Variants in SFXN1 observed in about 807,000 individuals in gnomAD.
The protein encoded by SFXN1 is sideroflexin 1.
Under a neutral mutation model 39.5 loss-of-function variants are expected in SFXN1, and 32 were observed. The ratio of observed to expected loss-of-function variants is 0.81; its 90% CI spans 0.61 to 1.09. The LOEUF (loss-of-function observed/expected upper bound fraction) is 1.09. Among genes scored for constraint, SFXN1 ranks in the 50% least tolerant of loss-of-function variants. The probability of loss-of-function intolerance (pLI) is 0.00; values close to 1 mark genes in which losing one functional copy is unlikely to be tolerated. For missense variants in SFXN1, 402 were observed against 407.1 expected (o/e 0.99, Z 0.11); for synonymous variants, 136 against 146.5 (o/e 0.93, Z 0.52).
intron 7 of SFXN1, among the ~76,000 whole-genome samples, chr5:175,514,585 A>G (rs1411464930): frequency 2.0e-5 from 3 of 152,244 alleles, no homozygotes; most frequent in African/African-American, 7.2e-5. Context: ...TCTCCAATGA[A>G]GTATACTTCA....
At chr5:175,507,664 A>AT (rs1277148116) in intron 2 of SFXN1, among the ~76,000 whole-genome samples, 1 of 151,678 alleles carries the variant, frequency 6.6e-6, no homozygotes, top group African/African-American at 2.4e-5. Flanking sequence ...GAGGCACCTA[A>AT]TTTTTTTTTC....
rs530472029 is a variant in SFXN1, at chr5:175,480,139, C to T, written c.-10+1500C>T. ...TGTTTGGGCCAGGCGCGGTGGCTCA[C>T]GCCTGTAATCCCAGCACTTTGGGTG... On this transcript the variant is annotated intron_variant, in intron 1 of 10. Coordinates refer to ENST00000321442, the MANE Select transcript of SFXN1 (RefSeq NM_022754.7). 4.6e-5 allele frequency among the ~76,000 whole-genome samples: 7 copies of T among 152,258 alleles called. No homozygotes were observed. The South Asian group carries it at 1.2e-3, about 27-fold the overall frequency.
intron 2 of SFXN1, among the ~76,000 whole-genome samples, chr5:175,493,511 G>A (rs1031921604): frequency 3.3e-5 from 5 of 152,114 alleles, no homozygotes; most frequent in African/African-American, 4.8e-5. Context: ...GCCAATGTGC[G>A]TAAAGAGGGA....
chr5:175,508,075 A>G (rs1409627475), intron 2 of SFXN1, among the ~76,000 whole-genome samples: 1 of 152,146 alleles, frequency 6.6e-6, no homozygotes, highest in Non-Finnish European at 1.5e-5. Context: ...CTAATTGTTT[A>G]AAGTATTTTA....
chr5:175,503,559 T>C (rs952892661), intron 2 of SFXN1, among the ~76,000 whole-genome samples: 1 of 152,200 alleles, frequency 6.6e-6, no homozygotes, highest in African/African-American at 2.4e-5. Context: ...AAGGTAAAAT[T>C]ATATATCTAT....
intron 2 of SFXN1, among the ~76,000 whole-genome samples, chr5:175,497,525 A>G (rs1278716790): frequency 6.6e-6 from 1 of 152,238 alleles, no homozygotes; most frequent in Non-Finnish European, 1.5e-5. Flanking sequence ...ATATTTTGAT[A>G]TTGATAAAGA....
chr5:175,507,143 C>T (rs944840566), intron 2 of SFXN1, among the ~76,000 whole-genome samples: 1 of 152,100 alleles, frequency 6.6e-6, no homozygotes, highest in African/African-American at 2.4e-5. Context: ...CTTATGGGTA[C>T]ATTGCTGTCA....
rs971888734 is a variant in SFXN1 at position 175,502,056 on chromosome 5, T to C, written c.165-6976T>C. Among the ~76,000 whole-genome samples the C allele has an allele frequency of 3.3e-5, 5 of 151,980 alleles. No homozygotes were observed. The South Asian group carries it at 6.2e-4, about 19-fold the overall frequency. On this transcript the variant is annotated intron_variant, in intron 2 of 10. Coordinates refer to ENST00000321442, the MANE Select transcript of SFXN1 (RefSeq NM_022754.7). Reference sequence around the variant, plus strand: ...AGGTTGTAGATGGACTCATAGAGGGTTGAAGCAAGGTTTTTTAATGTCTTC... The same window carrying C: ...AGGTTGTAGATGGACTCATAGAGGGCTGAAGCAAGGTTTTTTAATGTCTTC...
chr5:175,510,376 A>C, intron 4 of SFXN1, 169 bp downstream of exon 4: 2 of 595,008 alleles, frequency 3.4e-6, no homozygotes, highest in East Asian at 3.0e-5. Flanking sequence ...AAAGTGTTTC[A>C]TTTTCTCTCT....
rs983608118 is a variant in SFXN1 at position 175,527,522 on chromosome 5, T to G, written c.*788T>G. ...TAACTGAAATGTACAAATGTCAAAT[T>G]TTGGAAGTATATTCAATACCAATGC... On this transcript the variant is annotated 3_prime_UTR_variant, in exon 11 of 11. Transcript: ENST00000321442. The G allele has an allele frequency of 6.6e-6, 1 of 152,234 alleles. No individual in the cohort carries two copies. The allele number at this position is 152,234 out of a possible 1,614,324, so 9.4% of individuals were successfully genotyped here.
chr5:175,512,266 G>T (rs1487336444), intron 6 of SFXN1, 70 bp downstream of exon 6: 1 of 1,360,224 alleles, frequency 7.4e-7, no homozygotes, highest in Non-Finnish European at 1.0e-6. Flanking sequence ...AATTAGCTTT[G>T]TTGAAACTTT....
At chr5:175,515,037 C>T (rs150544830) in intron 7 of SFXN1, among the ~76,000 whole-genome samples, 355 of 152,020 alleles carry the variant, frequency 2.3e-3, no homozygotes, top group African/African-American at 8.3e-3. Flanking sequence ...GTTTTTGAGA[C>T]AGGATATTGC....
At chr5:175,522,001 C>A (rs375020944) in intron 9 of SFXN1, 33 bp downstream of exon 9, 193 of 1,552,032 alleles carry the variant, frequency 1.2e-4, no homozygotes, top group Admixed American at 1.5e-4. Context: ...TAATTAATTT[C>A]TTTTAAAATA....
intron 8 of SFXN1, 60 bp downstream of exon 8, chr5:175,516,723 C>T: frequency 6.4e-7 from 1 of 1,555,594 alleles, no homozygotes; most frequent in South Asian, 1.1e-5. Flanking sequence ...AGATTTCAAA[C>T]CGTATAGATT....
chr5:175,489,121 G>GA (rs869241377), intron 1 of SFXN1, among the ~76,000 whole-genome samples: 2 of 20,002 alleles, frequency 1.0e-4, no homozygotes, highest in East Asian at 5.0e-4. Flanking sequence ...TAGACCTTCT[G>GA]AAAAAAACAA....
chr5:175,500,167 G>A (rs905902995), intron 2 of SFXN1, among the ~76,000 whole-genome samples: 1 of 152,006 alleles, frequency 6.6e-6, no homozygotes, highest in Admixed American at 6.6e-5. Context: ...CAGCCTGGGT[G>A]ACAAGAGAAA....
intron 5 of SFXN1, 150 bp downstream of exon 5, chr5:175,511,676 T>C: frequency 1.5e-6 from 1 of 675,746 alleles, no homozygotes; most frequent in South Asian, 1.9e-5. Flanking sequence ...AGTTATATCT[T>C]CCAATAAGTT....
At chr5:175,480,479 T>C (rs1012959064) in intron 1 of SFXN1, among the ~76,000 whole-genome samples, 7 of 151,998 alleles carry the variant, frequency 4.6e-5, no homozygotes, top group East Asian at 1.9e-4. Flanking sequence ...AGAGGTTAGA[T>C]TGAGGCTTTC....
intron 1 of SFXN1, among the ~76,000 whole-genome samples, chr5:175,486,501 AC>A (rs1759456262): frequency 6.6e-6 from 1 of 152,150 alleles, no homozygotes; most frequent in Non-Finnish European, 1.5e-5. Context: ...AGGGAATCAC[AC>A]CTGTAATCCC....
Sources: allele counts gnomAD v4.1 joint callset (sites outside exome capture counted in the v4.1 genomes callset), GRCh38; gene constraint gnomAD v4.1.1; transcripts MANE v1.5; gene names NCBI Gene and HGNC (gene_info 2026-07-23, HGNC 2026-07-21).